The following FOXJ3 variants were observed in gnomAD, a reference collection of about 807,000 sequenced individuals.
FOXJ3 encodes the protein forkhead box J3, also known as forkhead box protein J3.
In FOXJ3, 22 loss-of-function variants were observed where a neutral mutation model predicts 76.1. The observed-to-expected ratio is 0.29, with a 90% CI of 0.21 to 0.41. The LOEUF (loss-of-function observed/expected upper bound fraction) is 0.41. Among genes scored for constraint, FOXJ3 ranks in the 10% least tolerant of loss-of-function variants. The pLI, the probability that FOXJ3 is intolerant of heterozygous loss-of-function variation, is 1.00. For missense variants in FOXJ3, 613 were observed against 762.1 expected, an observed-to-expected ratio of 0.80 and a Z score of 2.30; for synonymous variants, 269 against 261.2, an observed-to-expected ratio of 1.03 and a Z score of -0.29.
chr1:42,319,536 G>A (rs1655314979), intron 1 of FOXJ3, among the ~76,000 whole-genome samples: 1 of 152,158 alleles, frequency 6.6e-6, no homozygotes, highest in African/African-American at 2.4e-5. Flanking sequence ...CTGCTATTAG[G>A]TATGGAGTTT....
chr1:42,258,535 G>A (rs1156621785), intron 4 of FOXJ3, among the ~76,000 whole-genome samples: 1 of 152,202 alleles, frequency 6.6e-6, no homozygotes, highest in African/African-American at 2.4e-5. Flanking sequence ...GAATGAACAT[G>A]TGGATAACAA....
rs686247 is a variant in FOXJ3, at chr1:42,179,099, C to T, written c.*611G>A. ...GCTGCTCAGGAGCAACATGCCCCTT[C>T]GGATTGTTGGAGTGTGTCAAATTCT... On this transcript the variant is annotated 3_prime_UTR_variant, in exon 13 of 13. Transcript: ENST00000361346. 0.82 allele frequency: 125,279 copies of T among 152,466 alleles called. 51,675 individuals are homozygous for T. Among genetic ancestry groups the T allele is most frequent in the Middle Eastern group, 0.92 (271 of 294 alleles). The allele number at this position is 152,466 out of a possible 1,614,324, so 9.4% of individuals were successfully genotyped here.
At chr1:42,316,471 C>G (rs1466138764) in intron 1 of FOXJ3, among the ~76,000 whole-genome samples, 1 of 151,462 alleles carries the variant, frequency 6.6e-6, no homozygotes, top group Admixed American at 6.6e-5. Flanking sequence ...ACACCCAGCT[C>G]GAAATACTTA....
rs1553170579 is a variant in FOXJ3 at position 42,324,103 on chromosome 1, T to TACATATACA, written c.-18+10955_-18+10956insTGTATATGT. 4.3e-4 allele frequency among the ~76,000 whole-genome samples: 38 copies of TACATATACA among 88,324 alleles called. 2 individuals carry two copies. Among genetic ancestry groups the TACATATACA allele is most frequent in the African/African-American group, 1.7e-3 (35 of 20,666 alleles). The allele number at this position is 88,324 out of a possible 152,430, so 57.9% of individuals were successfully genotyped here. On this transcript the variant is annotated intron_variant, in intron 1 of 12. Coordinates refer to ENST00000361346, the MANE Select transcript of FOXJ3 (RefSeq NM_014947.5). The stretch of plus-strand genomic sequence containing the variant: ...TAGTATATATACTGTATATATACTG[T>TACATATACA]GTATATACACTGTATATACACAGTG...
chr1:42,327,454 G>A (rs1426603491), intron 1 of FOXJ3, among the ~76,000 whole-genome samples: 6 of 152,170 alleles, frequency 3.9e-5, no homozygotes, highest in South Asian at 2.1e-4. Context: ...ACTTTTTAAA[G>A]TTAATTTTAA....
chr1:42,276,311 G>A (rs927013306), intron 3 of FOXJ3, among the ~76,000 whole-genome samples: 2 of 151,966 alleles, frequency 1.3e-5, no homozygotes, highest in African/African-American at 2.4e-5. Flanking sequence ...AGCCGACATG[G>A]TGCCCCTGCA....
At chr1:42,270,419 T>A (rs1288917476) in intron 3 of FOXJ3, among the ~76,000 whole-genome samples, 1 of 152,162 alleles carries the variant, frequency 6.6e-6, no homozygotes, top group African/African-American at 2.4e-5. Flanking sequence ...TAGGATACAA[T>A]GTTTTTCAAA....
intron 3 of FOXJ3, among the ~76,000 whole-genome samples, chr1:42,271,666 T>C (rs1049572476): frequency 6.6e-6 from 1 of 152,186 alleles, no homozygotes; most frequent in African/African-American, 2.4e-5. Flanking sequence ...TTTATTCTTT[T>C]GGAGACAGGG....
intron 2 of FOXJ3, among the ~76,000 whole-genome samples, chr1:42,295,962 C>T (rs1228937654): frequency 6.6e-6 from 1 of 152,188 alleles, no homozygotes; most frequent in South Asian, 2.1e-4. Flanking sequence ...TGAACATTCC[C>T]GTCAGCAGTG....
intron 4 of FOXJ3, among the ~76,000 whole-genome samples, chr1:42,239,433 C>T (rs1038968028): frequency 8.6e-5 from 13 of 152,024 alleles, no homozygotes; most frequent in Admixed American, 2.0e-4. Flanking sequence ...TGAGTGTTAA[C>T]CTTGGTCAAA....
At chr1:42,244,950 G>A (rs1570025102) in intron 4 of FOXJ3, among the ~76,000 whole-genome samples, 1 of 152,188 alleles carries the variant, frequency 6.6e-6, no homozygotes, top group African/African-American at 2.4e-5. Flanking sequence ...GGGAGGCCGA[G>A]GCGGGCAGAT....
chr1:42,263,461 T>C (rs767156074), intron 4 of FOXJ3, among the ~76,000 whole-genome samples: 1 of 152,224 alleles, frequency 6.6e-6, no homozygotes, highest in Non-Finnish European at 1.5e-5. Context: ...GGAAATGTGA[T>C]AAAGAATTTA....
intron 4 of FOXJ3, among the ~76,000 whole-genome samples, chr1:42,259,329 A>G (rs184405714): frequency 6.6e-6 from 1 of 152,324 alleles, no homozygotes; most frequent in Non-Finnish European, 1.5e-5. Context: ...TGTTTGTTGA[A>G]ACTAATAGAA....
chr1:42,328,428 T>C (rs915788701), intron 1 of FOXJ3, among the ~76,000 whole-genome samples: 2 of 152,234 alleles, frequency 1.3e-5, no homozygotes, highest in African/African-American at 4.8e-5. Flanking sequence ...AGTCCCACTC[T>C]ACAAGTATGA....
At chr1:42,293,405 C>A (rs916752694) in intron 2 of FOXJ3, among the ~76,000 whole-genome samples, 2 of 151,950 alleles carry the variant, frequency 1.3e-5, no homozygotes, top group Non-Finnish European at 2.9e-5. Context: ...CCAATAAACA[C>A]AAGAAAGATG....
chr1:42,230,656 T>C (rs1327132964), intron 4 of FOXJ3, among the ~76,000 whole-genome samples: 1 of 152,192 alleles, frequency 6.6e-6, no homozygotes, highest in East Asian at 1.9e-4. Flanking sequence ...CAACAAGTTT[T>C]GGATTTTATA....
intron 2 of FOXJ3, among the ~76,000 whole-genome samples, chr1:42,296,931 A>G (rs1243388154): frequency 6.6e-6 from 1 of 152,190 alleles, no homozygotes; most frequent in Non-Finnish European, 1.5e-5. Flanking sequence ...TTCCAATCCA[A>G]CAGCACAAAA....
chr1:42,293,206 A>G (rs956114045), intron 2 of FOXJ3, among the ~76,000 whole-genome samples: 6 of 152,170 alleles, frequency 3.9e-5, no homozygotes, highest in South Asian at 4.1e-4. Context: ...GAATAAGTAA[A>G]TATTTCTCAG....
chr1:42,239,132 T>C (rs1045050095), intron 4 of FOXJ3, among the ~76,000 whole-genome samples: 1 of 152,226 alleles, frequency 6.6e-6, no homozygotes, highest in Non-Finnish European at 1.5e-5. Flanking sequence ...TCCTGTAACC[T>C]TGCTAAACTC....
Sources: allele counts gnomAD v4.1 joint callset (sites outside exome capture counted in the v4.1 genomes callset), GRCh38; gene constraint gnomAD v4.1.1; transcripts MANE v1.5; gene names NCBI Gene and HGNC (gene_info 2026-07-23, HGNC 2026-07-21).